Variants in UMOD observed in about 807,000 individuals in gnomAD.
UMOD encodes uromodulin.
UMOD carries 64 observed loss-of-function variants against 66.0 expected under a neutral mutation model. That is an observed-to-expected ratio of 0.97 (90% CI 0.79 to 1.19). The LOEUF (loss-of-function observed/expected upper bound fraction) is 1.19, where lower values mean the gene tolerates loss of function less well. Among genes scored for constraint, UMOD ranks in the 50% most tolerant of loss-of-function variants. The pLI is 0.00. For missense variants in UMOD, 764 were observed against 850.9 expected, an observed-to-expected ratio of 0.90 and a Z score of 1.27; for synonymous variants, 398 against 352.7, an observed-to-expected ratio of 1.13 and a Z score of -1.44.
chr16:20,335,958 C>T (rs1254239894), intron 9 of UMOD, among the ~76,000 whole-genome samples: 1 of 152,198 alleles, frequency 6.6e-6, no homozygotes, highest in African/African-American at 2.4e-5. Context: ...GTAGGCTGAA[C>T]TAATTTGGAA....
chr16:20,353,491 G>A (rs945938588), upstream of UMOD, among the ~76,000 whole-genome samples: 4 of 152,184 alleles, frequency 2.6e-5, no homozygotes, highest in Admixed American at 6.5e-5. Context: ...ATCTCCCACA[G>A]TAGTAATAGT....
chr16:20,352,677 A>C lies in UMOD; in HGVS notation c.-103+12T>G. The C allele has an allele frequency of 8.1e-7, 1 of 1,231,722 alleles. No homozygotes were observed. Among genetic ancestry groups the C allele is most frequent in the Non-Finnish European group, 1.0e-6 (1 of 987,942 alleles). The allele number at this position is 1,231,722 out of a possible 1,614,324, so 76.3% of individuals were successfully genotyped here. A position where few individuals can be genotyped will look rare whatever the true frequency, so the allele number is the denominator to read the frequency against. ...AGCTGGGCTAGGAGAAGACAGCTAC[A>C]GATAGCCTTACCTGAAGCCAGAAAG... On this transcript the variant is annotated intron_variant, in intron 1 of 10. Coordinates refer to ENST00000396138, the MANE Select transcript of UMOD (RefSeq NM_003361.4).
At chr16:20,341,743 T>C (rs975677502) in intron 6 of UMOD, among the ~76,000 whole-genome samples, 12 of 152,220 alleles carry the variant, frequency 7.9e-5, no homozygotes, top group African/African-American at 2.4e-4. Context: ...CTGGATTCCT[T>C]CTTTGGTCTC....
At chr16:20,352,159 C>T (rs1191564776) in intron 1 of UMOD, among the ~76,000 whole-genome samples, 1 of 151,902 alleles carries the variant, frequency 6.6e-6, no homozygotes, top group African/African-American at 2.4e-5. Flanking sequence ...TTAATTCTTA[C>T]CACAACCCTA....
chr16:20,348,857 A>G lies in UMOD; in HGVS notation c.444T>C (p.Cys148=). 1 of 1,548,650 alleles carries G rather than the reference A, an allele frequency of 6.5e-7. No individual in the cohort carries two copies. Among genetic ancestry groups the G allele is most frequent in the Non-Finnish European group, 8.7e-7 (1 of 1,147,208 alleles). The change falls in exon 3 of 11, where the codon TGT becomes TGC. Residue 148 remains cysteine (C), a synonymous_variant. Coordinates refer to ENST00000396138, the MANE Select transcript of UMOD (RefSeq NM_003361.4). ...GCCCGCAGGAGCCCGGGGAGCACTCACAGTGCCATCCATCCCCCCGGTAGC... is the reference window on the plus strand; with the variant it reads ...GCCCGCAGGAGCCCGGGGAGCACTCGCAGTGCCATCCATCCCCCCGGTAGC... ...PAGYRGDGWH[C]ECSPGSCGPG... is the part of the protein sequence containing the mutation.
Position 20,348,658 on chromosome 16 carries a change from C to T in UMOD, c.643G>A (p.Glu215Lys), listed in dbSNP as rs1490168938. 4 of 1,559,248 alleles carry T rather than the reference C, an allele frequency of 2.6e-6. No individual in the cohort carries two copies. The highest frequency in any genetic ancestry group is 3.5e-6 in the Non-Finnish European group (4 of 1,155,702). ...CAGCGCAGGACTGGCACGCAGGTCT[C>T]GGCCATGCGCGCACCGCCCTGGCCC... Reference protein sequence around the residue: ...FVGQGGARMAETCVPVLRCNT... With the variant: ...FVGQGGARMAKTCVPVLRCNT... Residue 215 changes from glutamate (E) to lysine (K), a missense_variant, in exon 3 of 11, where the codon GAG becomes AAG. Transcript: ENST00000396138.
At chr16:20,352,745 C>A (rs138793302), upstream of UMOD, 1 of 1,231,596 alleles carries the variant, frequency 8.1e-7, no homozygotes, top group Non-Finnish European at 1.0e-6. Flanking sequence ...CTTATATATA[C>A]ACATTTGCCC....
intron 1 of UMOD, among the ~76,000 whole-genome samples, chr16:20,352,222 C>T (rs1237613357): frequency 6.6e-6 from 1 of 152,008 alleles, no homozygotes; most frequent in African/African-American, 2.4e-5. Context: ...GACAAAGAGG[C>T]TAACTGCTTG....
chr16:20,338,475 C>T (rs142508284), intron 7 of UMOD, among the ~76,000 whole-genome samples: 5 of 152,286 alleles, frequency 3.3e-5, no homozygotes, highest in African/African-American at 7.2e-5. Flanking sequence ...CCAAGTTTTC[C>T]GCAATGTCCC....
At chr16:20,354,120 G>A (rs1248795227), upstream of UMOD, among the ~76,000 whole-genome samples, 1 of 152,156 alleles carries the variant, frequency 6.6e-6, no homozygotes, top group Non-Finnish European at 1.5e-5. Flanking sequence ...ATTCCACGGT[G>A]TATATGTGCC....
intron 2 of UMOD, 113 bp downstream of exon 2, chr16:20,350,537 A>T: frequency 7.6e-7 from 1 of 1,320,664 alleles, no homozygotes; most frequent in Non-Finnish European, 1.1e-6. Flanking sequence ...GCAAGTCTCA[A>T]GTGCGATAGG....
chr16:20,341,751 C>A (rs143880155), intron 6 of UMOD, among the ~76,000 whole-genome samples: 2 of 152,342 alleles, frequency 1.3e-5, no homozygotes, highest in African/African-American at 4.8e-5. Context: ...CTTCTTTGGT[C>A]TCAATCTAGA....
chr16:20,341,266 A>G lies in UMOD; in HGVS notation c.1402T>C (p.Tyr468His), dbSNP rs1284468912. The G allele has an allele frequency of 9.3e-6, 15 of 1,614,102 alleles. No individual in the cohort carries two copies. Among genetic ancestry groups the G allele is most frequent in the Non-Finnish European group, 1.3e-5 (15 of 1,180,022 alleles). Reference protein sequence around the residue: ...VRMALFQTPSYTQPYQGSSVT... With the variant: ...VRMALFQTPSHTQPYQGSSVT... ...GAGGAGCCTTGGTAGGGCTGCGTGT[A>G]GGAAGGGGTCTGGAAGAGCGCCATC... Residue 468 changes from tyrosine (Y) to histidine (H), a missense_variant, in exon 7 of 11, where the codon TAC becomes CAC. Transcript: ENST00000396138.
At chr16:20,354,670 G>A (rs1436507419), upstream of UMOD, among the ~76,000 whole-genome samples, 2 of 152,060 alleles carry the variant, frequency 1.3e-5, no homozygotes, top group African/African-American at 4.8e-5. Context: ...GACTTGGGCA[G>A]GAAAATGGGG....
intron 10 of UMOD, among the ~76,000 whole-genome samples, chr16:20,335,239 T>A (rs1002714535): frequency 7.9e-5 from 12 of 152,182 alleles, no homozygotes; most frequent in Non-Finnish European, 1.3e-4. Flanking sequence ...GGGTTTGTAA[T>A]AAGTTTGTGT....
intron 2 of UMOD, among the ~76,000 whole-genome samples, chr16:20,349,535 C>T (rs1329632646): frequency 6.6e-6 from 1 of 152,100 alleles, no homozygotes; most frequent in African/African-American, 2.4e-5. Context: ...GCGTTCTACT[C>T]CCTGAGTTCA....
rs759348042 is a variant in UMOD, at chr16:20,337,426, GA to G, written c.1604del (p.Ile535ThrfsTer27). On this transcript the variant is annotated frameshift_variant, in exon 8 of 11. Coordinates refer to ENST00000396138, the MANE Select transcript of UMOD (RefSeq NM_003361.4). LOFTEE classifies it high-confidence loss of function. The part of the protein sequence containing the change: ...DRCPHTRDST[I>X]QVVENGESSQ... ...AGGACTCCCCATTCTCCACCACTTG[GA>G]TAGTTGAGTCTCTAGTGTGTGGGCA... The G allele has an allele frequency of 6.2e-7, 1 of 1,614,204 alleles. No homozygotes were observed. Among genetic ancestry groups the G allele is most frequent in the East Asian group, 2.2e-5 (1 of 44,878 alleles).
Position 20,341,082 on chromosome 16 carries a change from T to C in UMOD, c.1577+9A>G. The C allele has an allele frequency of 6.2e-7, 1 of 1,613,626 alleles. No homozygotes were observed. Among genetic ancestry groups the C allele is most frequent in the Non-Finnish European group, 8.5e-7 (1 of 1,179,888 alleles). On this transcript the variant is annotated intron_variant, in intron 7 of 10. Transcript: ENST00000396138. Reference sequence around the variant, plus strand: ...CCCATGAGTTCCCATGTAGGAACCTTTGCCTTACCTGTCCTGGATGATGAA... The same window carrying C: ...CCCATGAGTTCCCATGTAGGAACCTCTGCCTTACCTGTCCTGGATGATGAA...
intron 10 of UMOD, 70 bp downstream of exon 10, chr16:20,335,412 A>T (rs1964813514): frequency 6.7e-7 from 1 of 1,495,206 alleles, no homozygotes; most frequent in South Asian, 1.1e-5. Context: ...GAAGCATTAC[A>T]AGTTAACAGA....
Sources: gnomAD v4.1 joint callset for allele counts (sites outside exome capture counted in the v4.1 genomes callset) on GRCh38, gnomAD v4.1.1 for gene constraint, MANE v1.5 for transcripts, NCBI Gene and HGNC (gene_info 2026-07-23, HGNC 2026-07-21) for gene names.